Variants in TBC1D20 observed in about 807,000 individuals in gnomAD.
TBC1D20 encodes the protein chromosome 20 open reading frame 140.
Under a neutral mutation model 41.6 loss-of-function variants are expected in TBC1D20, and 12 were observed. The observed-to-expected ratio is 0.29, with a 90% confidence interval of 0.18 to 0.47. TBC1D20 has a LOEUF of 0.47. Among genes scored for constraint, TBC1D20 ranks in the 20% least tolerant of loss-of-function variants. The pLI, the probability that TBC1D20 is intolerant of heterozygous loss-of-function variation, is 1.00. For missense variants in TBC1D20, 421 were observed against 517.4 expected (o/e 0.81, Z 1.81); for synonymous variants, 205 against 204.8 (o/e 1.00, Z -0.01).
intron 1 of TBC1D20, among the ~76,000 whole-genome samples, chr20:458,273 TCATACCTCC>T (rs1307463705): frequency 6.6e-6 from 1 of 152,024 alleles, no homozygotes; most frequent in Non-Finnish European, 1.5e-5. Context: ...AATCCTCAAA[TCATACCTCC>T]CATAACTCAT....
At chr20:451,945 T>A (rs2017449687) in intron 1 of TBC1D20, among the ~76,000 whole-genome samples, 1 of 152,236 alleles carries the variant, frequency 6.6e-6, no homozygotes, top group Non-Finnish European at 1.5e-5. Context: ...TGTAATTTTG[T>A]TCCTGTTCAT....
intron 1 of TBC1D20, among the ~76,000 whole-genome samples, chr20:454,264 C>A (rs1276239292): frequency 2.1e-5 from 3 of 140,408 alleles, no homozygotes; most frequent in African/African-American, 2.6e-5. Flanking sequence ...GCAGAAAGAA[C>A]ATGGATTCAC....
At chr20:449,462 G>C (rs957300504) in intron 1 of TBC1D20, among the ~76,000 whole-genome samples, 3 of 151,004 alleles carry the variant, frequency 2.0e-5, no homozygotes, top group Non-Finnish European at 4.4e-5. Context: ...AGGCGTGGTG[G>C]CATGCACCTG....
In TBC1D20 at chr20:441,936, T is replaced by C; in HGVS notation, c.445A>G (p.Ile149Val). The C allele has an allele frequency of 6.2e-7, 1 of 1,614,096 alleles. No individual in the cohort carries two copies. Among genetic ancestry groups the C allele is most frequent in the Non-Finnish European group, 8.5e-7 (1 of 1,179,998 alleles). The change falls in exon 4 of 8, where the codon ATT (isoleucine) becomes GTT (valine). Residue 149 changes from isoleucine to valine, a missense_variant. Coordinates refer to ENST00000354200, the MANE Select transcript of TBC1D20 (RefSeq NM_144628.4). ...ACCACCAGCAGAAATGTGACCACAA[T>C]GTCATGGTAGCCCTGGTAGTAGTGC... ...QLHYYQGYHD[I>V]VVTFLLVVGE...
At chr20:448,684 G>A (rs577711191) in intron 1 of TBC1D20, among the ~76,000 whole-genome samples, 24 of 134,408 alleles carry the variant, frequency 1.8e-4, no homozygotes, top group South Asian at 5.1e-4. Context: ...GCGAGACTCC[G>A]TCTTGAAAAA....
At chr20:451,799 A>G (rs1470726677) in intron 1 of TBC1D20, among the ~76,000 whole-genome samples, 1 of 152,154 alleles carries the variant, frequency 6.6e-6, no homozygotes, top group African/African-American at 2.4e-5. Flanking sequence ...GGCTCACTGC[A>G]GCCTCAACCA....
intron 4 of TBC1D20, 37 bp from the exon 5 acceptor site, chr20:441,726 C>G: frequency 1.2e-6 from 2 of 1,607,804 alleles, no homozygotes; most frequent in Non-Finnish European, 1.7e-6. Flanking sequence ...GGTTACCAAA[C>G]ACTTAGATCA....
chr20:438,440 G>A lies in TBC1D20; in HGVS notation c.*146C>T, dbSNP rs772087328. ...CTCTGCTACTGGCCTCTGAAGTAAAGGCAAACACAAACGGGCAGGGCAGGG... is the reference window on the plus strand; with the variant it reads ...CTCTGCTACTGGCCTCTGAAGTAAAAGCAAACACAAACGGGCAGGGCAGGG... On this transcript the variant is annotated 3_prime_UTR_variant, in exon 8 of 8. Transcript: ENST00000354200. The A allele has an allele frequency of 3.1e-6, 3 of 973,414 alleles. No homozygotes were observed. Among genetic ancestry groups the A allele is most frequent in the Non-Finnish European group, 4.5e-6 (3 of 661,732 alleles). The allele number at this position is 973,414 out of a possible 1,614,324, so 60.3% of individuals were successfully genotyped here. A position where few individuals can be genotyped will look rare whatever the true frequency, so the allele number is the denominator to read the frequency against.
intron 1 of TBC1D20, 51 bp downstream of exon 1, chr20:462,285 C>A (rs1158525792): frequency 8.2e-7 from 1 of 1,221,452 alleles, no homozygotes; most frequent in Non-Finnish European, 1.0e-6. Flanking sequence ...TGCCCCTGCC[C>A]CCCGGGCCGC....
At chr20:456,660 G>T (rs2017545236) in intron 1 of TBC1D20, among the ~76,000 whole-genome samples, 1 of 152,170 alleles carries the variant, frequency 6.6e-6, no homozygotes, top group African/African-American at 2.4e-5. Flanking sequence ...CACCTCCTGG[G>T]TTTGAGCAGT....
chr20:435,889 C>G lies in TBC1D20; in HGVS notation c.*2697G>C, dbSNP rs891600598. On this transcript the variant is annotated 3_prime_UTR_variant, in exon 8 of 8. Transcript: ENST00000354200. ...CTCTCTGGAATGAGGGTCTTATGAG[C>G]TACAGTCAGATTAAAGTCTGGTGTT... is the stretch of plus-strand genomic sequence containing the variant. 1 of 152,906 alleles carries G rather than the reference C, an allele frequency of 6.5e-6. No homozygotes were observed. Among genetic ancestry groups the G allele is most frequent in the African/African-American group, 2.4e-5 (1 of 41,456 alleles). The allele number at this position is 152,906 out of a possible 1,614,324, so 9.5% of individuals were successfully genotyped here.
chr20:449,755 C>T (rs2017411258), intron 1 of TBC1D20, among the ~76,000 whole-genome samples: 1 of 152,188 alleles, frequency 6.6e-6, no homozygotes, highest in African/African-American at 2.4e-5. Context: ...TACCATGGTA[C>T]ACAGTAGATA....
Position 441,415 on chromosome 20 carries a change from A to G in TBC1D20, c.626+173T>C, listed in dbSNP as rs2017226811. 15 of 614,180 alleles carry G rather than the reference A, an allele frequency of 2.4e-5. No homozygotes were observed. In the South Asian group the frequency reaches 2.9e-4, roughly 12 times the overall value. 38.0% of individuals were successfully genotyped at this position (614,180 alleles called of 1,614,324 possible). ...CCCCCAAAGAGCACAGTCCCCAAAAATGCTCCAAGAACTGAATTACCCAGA... is the reference window on the plus strand; with the variant it reads ...CCCCCAAAGAGCACAGTCCCCAAAAGTGCTCCAAGAACTGAATTACCCAGA... On this transcript the variant is annotated intron_variant, in intron 5 of 7. Transcript: ENST00000354200.
intron 1 of TBC1D20, among the ~76,000 whole-genome samples, chr20:450,021 A>AT (rs1210418005): frequency 7.9e-5 from 12 of 152,144 alleles, no homozygotes; most frequent in Non-Finnish European, 1.3e-4. Context: ...TACTGTAACA[A>AT]TTTTTTCCTG....
chr20:438,927 C>A (rs2017172826), intron 7 of TBC1D20, 86 bp from the exon 8 acceptor site: 1 of 1,538,748 alleles, frequency 6.5e-7, no homozygotes, highest in Admixed American at 1.9e-5. Flanking sequence ...GCGGGCAGAG[C>A]CTTTCATTGC....
intron 1 of TBC1D20, among the ~76,000 whole-genome samples, chr20:460,934 T>C (rs779393667): frequency 2.0e-5 from 3 of 152,206 alleles, no homozygotes; most frequent in Non-Finnish European, 2.9e-5. Context: ...TTGACTGTTA[T>C]GCCATGAGGA....
intron 1 of TBC1D20, chr20:450,830 T>C (rs1166243400): frequency 6.6e-6 from 1 of 150,672 alleles, no homozygotes; most frequent in African/African-American, 2.5e-5. Flanking sequence ...ATCATATCAT[T>C]TTTCTATGTG....
intron 5 of TBC1D20, 97 bp from the exon 6 acceptor site, chr20:440,486 A>C: frequency 4.8e-6 from 7 of 1,458,350 alleles, no homozygotes; most frequent in South Asian, 2.7e-5. Flanking sequence ...ATTTAGGAAT[A>C]AGATTTCTGG....
chr20:453,035 G>A (rs2017472194), intron 1 of TBC1D20, among the ~76,000 whole-genome samples: 1 of 151,354 alleles, frequency 6.6e-6, no homozygotes, highest in African/African-American at 2.4e-5. Flanking sequence ...GGTAATGCCA[G>A]CTACTCAGGA....
Sources: gnomAD v4.1 joint callset for allele counts (sites outside exome capture counted in the v4.1 genomes callset) on GRCh38, gnomAD v4.1.1 for gene constraint, MANE v1.5 for transcripts, NCBI Gene and HGNC (gene_info 2026-07-23, HGNC 2026-07-21) for gene names.